WDR7: variants seen among roughly 807,000 people sequenced by gnomAD.
WDR7 encodes WD repeat-containing protein 7.
WDR7 carries 46 observed loss-of-function variants against 169.4 expected under a neutral mutation model. The observed-to-expected ratio is 0.27, with a 90% confidence interval of 0.21 to 0.35. WDR7 has a LOEUF of 0.35. Among genes scored for constraint, WDR7 ranks in the 10% least tolerant of loss-of-function variants. WDR7 has a pLI of 1.00. For synonymous variants in WDR7, 612 were observed against 666.8 expected, an observed-to-expected ratio of 0.92 and a Z score of 1.27; for missense variants, 1,534 against 1,859.3, an observed-to-expected ratio of 0.83 and a Z score of 3.22.
At chr18:56,932,874 G>GGTGTGTGTGTGTGTGTGTGT (rs34838445) in intron 22 of WDR7, among the ~76,000 whole-genome samples, 1 of 131,922 alleles carries the variant, frequency 7.6e-6, no homozygotes, top group Non-Finnish European at 1.5e-5. Context: ...CTTCATTCTG[G>GGTGTGTGTGTGTGTGTGTGT]GTGTGTGTGT....
At chr18:56,793,691 GTGAT>G (rs2044532923) in intron 19 of WDR7, among the ~76,000 whole-genome samples, 1 of 152,132 alleles carries the variant, frequency 6.6e-6, no homozygotes, top group South Asian at 2.1e-4. Context: ...TATGCATAAG[GTGAT>G]CATGGTAAAA....
chr18:56,748,011 T>C (rs1201642730), intron 14 of WDR7, among the ~76,000 whole-genome samples: 1 of 152,120 alleles, frequency 6.6e-6, no homozygotes, highest in Non-Finnish European at 1.5e-5. Flanking sequence ...TGTTAAGGGT[T>C]TCAGCATATC....
At chr18:56,879,554 A>G (rs79663608) in intron 20 of WDR7, among the ~76,000 whole-genome samples, 7,564 of 152,070 alleles carry the variant, frequency 0.05, 658 homozygotes, top group African/African-American at 0.17. Context: ...TCCTTTCTTG[A>G]TTCTGTCTTT....
At chr18:56,830,898 G>A (rs189913655) in intron 20 of WDR7, among the ~76,000 whole-genome samples, 2 of 152,206 alleles carry the variant, frequency 1.3e-5, no homozygotes, top group Non-Finnish European at 2.9e-5. Flanking sequence ...GTAGAGACGG[G>A]GTTTCACCAT....
intron 25 of WDR7, among the ~76,000 whole-genome samples, chr18:56,950,811 C>T (rs1048553685): frequency 2.0e-5 from 3 of 152,150 alleles, no homozygotes; most frequent in Admixed American, 2.0e-4. Flanking sequence ...AGAAGGGGAC[C>T]TCCTTAAGGA....
At chr18:56,678,795 G>A (rs2144558312) in intron 2 of WDR7, among the ~76,000 whole-genome samples, 1 of 152,234 alleles carries the variant, frequency 6.6e-6, no homozygotes, top group Admixed American at 6.5e-5. Context: ...GCACCCAGCA[G>A]CACTGTGGTT....
At chr18:56,695,599 A>G (rs867464949) in intron 11 of WDR7, among the ~76,000 whole-genome samples, 2 of 149,742 alleles carry the variant, frequency 1.3e-5, no homozygotes, top group South Asian at 2.1e-4. Flanking sequence ...GTGCAGTGGC[A>G]TGATCTCGGC....
intron 12 of WDR7, among the ~76,000 whole-genome samples, chr18:56,702,196 A>G (rs893373238): frequency 6.6e-6 from 1 of 152,202 alleles, no homozygotes; most frequent in African/African-American, 2.4e-5. Flanking sequence ...ATGTAGTTAC[A>G]GATGAGATGA....
At chr18:56,970,232 G>GTT (rs1465069243) in intron 26 of WDR7, among the ~76,000 whole-genome samples, 3 of 141,710 alleles carry the variant, frequency 2.1e-5, no homozygotes, top group African/African-American at 8.4e-5. Flanking sequence ...ATTTTTTTTG[G>GTT]TTTGTTTTTT....
chr18:56,745,669 G>A (rs995335722), intron 14 of WDR7, among the ~76,000 whole-genome samples: 9 of 152,082 alleles, frequency 5.9e-5, no homozygotes, highest in African/African-American at 2.2e-4. Context: ...ATGAACCTGT[G>A]GACCAGTACC....
At position 56,741,999 on chromosome 18, in the gene WDR7, T is replaced by C. The variant is rs554345236; in HGVS notation, c.1989+10402T>C. Among the ~76,000 whole-genome samples, 9 of 152,302 alleles carry C rather than the reference T, an allele frequency of 5.9e-5. No homozygotes were observed. The South Asian group carries it at 1.2e-3, about 21-fold the overall frequency. ...CCCTGTGTGTTACATATAATAGGTG[T>C]TCAATGGATTTATGAATGGGATTCA... is the stretch of plus-strand genomic sequence containing the variant. On this transcript the variant is annotated intron_variant, in intron 14 of 27. Transcript: ENST00000254442.
intron 26 of WDR7, among the ~76,000 whole-genome samples, chr18:56,987,680 G>C (rs2047744257): frequency 6.6e-6 from 1 of 151,746 alleles, no homozygotes. Context: ...TTTTTCTTTT[G>C]TGCTTGATTA....
chr18:56,883,250 A>G (rs2046137460), intron 21 of WDR7, among the ~76,000 whole-genome samples: 1 of 151,330 alleles, frequency 6.6e-6, no homozygotes, highest in Non-Finnish European at 1.5e-5. Flanking sequence ...TGGTAAATAA[A>G]TGAATTGCTG....
At chr18:56,657,260 C>T (rs897298465) in intron 1 of WDR7, among the ~76,000 whole-genome samples, 14 of 151,662 alleles carry the variant, frequency 9.2e-5, no homozygotes, top group African/African-American at 3.2e-4. Context: ...CAAGTTCAAG[C>T]GTTTCTCCTG....
At chr18:57,025,856 A>T (rs1455910915) in intron 27 of WDR7, among the ~76,000 whole-genome samples, 1 of 152,206 alleles carries the variant, frequency 6.6e-6, no homozygotes, top group African/African-American at 2.4e-5. Context: ...AACGCATCTT[A>T]AATGTCCTAG....
At chr18:57,010,251 G>T in intron 26 of WDR7, 1 of 985,372 alleles carries the variant, frequency 1.0e-6, no homozygotes, top group South Asian at 4.7e-5. Flanking sequence ...AAAACATTTT[G>T]TGTGACTTTT....
At chr18:56,674,584 A>G (rs2025204177) in intron 2 of WDR7, among the ~76,000 whole-genome samples, 1 of 152,216 alleles carries the variant, frequency 6.6e-6, no homozygotes, top group Non-Finnish European at 1.5e-5. Flanking sequence ...CTTAACAGAT[A>G]TAAGATTTAC....
rs750626390 is a variant in WDR7 at position 56,756,812 on chromosome 18, C to G, written c.2219C>G (p.Ala740Gly). Reference sequence around the variant, plus strand: ...TCTTTTTTAACTGGAAAACGAGCAGCAGTTCTCTTCCAACAAGTGAAAGAA... The same window carrying G: ...TCTTTTTTAACTGGAAAACGAGCAGGAGTTCTCTTCCAACAAGTGAAAGAA... ...GGSFLTGKRA[A>G]VLFQQVKETI... The change falls in exon 15 of 28, where the codon GCA (alanine) becomes GGA (glycine). Residue 740 changes from alanine (A) to glycine (G), a missense_variant. By Grantham distance (60) the Ala-to-Gly change is moderately conservative. Coordinates refer to ENST00000254442, the MANE Select transcript of WDR7 (RefSeq NM_015285.3). 6.2e-7 allele frequency: 1 copy of G among 1,614,046 alleles called. No individual in the cohort carries two copies. The highest frequency in any genetic ancestry group is 1.1e-5 in the South Asian group (1 of 91,076).
At chr18:56,775,696 T>C (rs1244801239) in intron 16 of WDR7, among the ~76,000 whole-genome samples, 2 of 152,180 alleles carry the variant, frequency 1.3e-5, no homozygotes, top group African/African-American at 2.4e-5. Flanking sequence ...TTATTTTTCA[T>C]GGACTTCTTT....
Sources: allele counts gnomAD v4.1 joint callset (sites outside exome capture counted in the v4.1 genomes callset), GRCh38; gene constraint gnomAD v4.1.1; transcripts MANE v1.5; gene names NCBI Gene and HGNC (gene_info 2026-07-23, HGNC 2026-07-21).